The following CERKL variants were observed in gnomAD, a reference collection of about 807,000 sequenced individuals.
CERKL encodes ceramide kinase-like protein.
CERKL carries 61 observed loss-of-function variants against 63.4 expected under a neutral mutation model. That is an observed-to-expected ratio of 0.96 (90% CI 0.78 to 1.19). The LOEUF is 1.19. Ranked by LOEUF, CERKL falls within the 50% of genes most tolerant of loss-of-function variation. The pLI, the probability that CERKL is intolerant of heterozygous loss-of-function variation, is 0.00. For missense variants in CERKL, 675 were observed against 655.5 expected, an observed-to-expected ratio of 1.03 and a Z score of -0.33; for synonymous variants, 250 against 230.5, an observed-to-expected ratio of 1.08 and a Z score of -0.77.
At position 181,548,570 on chromosome 2, in the gene CERKL, T is replaced by C. The variant is rs747214130; in HGVS notation, c.1108A>G (p.Asn370Asp). 2.5e-6 allele frequency: 4 copies of C among 1,612,546 alleles called. No homozygotes were observed. The highest frequency in any genetic ancestry group is 2.5e-6 in the Non-Finnish European group (3 of 1,178,884). The change falls in exon 8 of 13, where the codon AAC (asparagine) becomes GAC (aspartate). Residue 370 changes from asparagine to aspartate, a missense_variant. Coordinates refer to ENST00000410087, the MANE Select transcript of CERKL (RefSeq NM_201548.5). ...CTTTCTTGCACATCATCAGAGCTGT[T>C]AAATGGTAAAAATGATATTTCACAG... is the stretch of plus-strand genomic sequence containing the variant. Reference protein sequence around the residue: ...EDCEISFLPFNSSDDVQERRA... With the variant: ...EDCEISFLPFDSSDDVQERRA...
intron 2 of CERKL, among the ~76,000 whole-genome samples, chr2:181,581,720 C>A (rs1227920246): frequency 6.6e-6 from 1 of 152,192 alleles, no homozygotes; most frequent in Non-Finnish European, 1.5e-5. Flanking sequence ...CAACCTGCCA[C>A]CAGGTGGCTG....
rs148816401 is a variant in CERKL at position 181,637,447 on chromosome 2, C to T, written c.238+19322G>A. ...AATGGATTTTGATGCTGATGTAAAG[C>T]GCTACAGAGTGAACTTCTGGGCATA... On this transcript the variant is annotated intron_variant, in intron 1 of 12. Transcript: ENST00000410087. Among the ~76,000 whole-genome samples the T allele has an allele frequency of 2.9e-3, 444 of 152,154 alleles. 1 individual carries two copies. The highest frequency in any genetic ancestry group is 0.017 in the East Asian group (88 of 5,184).
intron 2 of CERKL, among the ~76,000 whole-genome samples, chr2:181,576,586 C>A (rs145008308): frequency 6.6e-6 from 1 of 152,088 alleles, no homozygotes; most frequent in Admixed American, 6.6e-5. Context: ...AGGTGAAGCA[C>A]GGTGAATTTC....
At chr2:181,618,831 AAAGGGTTCC>A (rs1686327679) in intron 1 of CERKL, among the ~76,000 whole-genome samples, 1 of 152,210 alleles carries the variant, frequency 6.6e-6, no homozygotes, top group African/African-American at 2.4e-5. Context: ...TAAGAGTATA[AAAGGGTTCC>A]AAGACCAAAA....
At chr2:181,587,900 A>C (rs1684831920) in intron 2 of CERKL, among the ~76,000 whole-genome samples, 1 of 152,180 alleles carries the variant, frequency 6.6e-6, no homozygotes, top group South Asian at 2.1e-4. Context: ...AATAATTTTT[A>C]GCATTCCAAG....
intron 2 of CERKL, among the ~76,000 whole-genome samples, chr2:181,585,768 C>A (rs541689801): frequency 6.6e-6 from 1 of 152,158 alleles, no homozygotes; most frequent in Admixed American, 6.5e-5. Flanking sequence ...TAAACACCGA[C>A]CCTTTTGCTC....
At chr2:181,597,617 T>C (rs1484431840) in intron 2 of CERKL, among the ~76,000 whole-genome samples, 25 of 152,238 alleles carry the variant, frequency 1.6e-4, no homozygotes, top group Middle Eastern at 3.4e-3. Flanking sequence ...TTGGTGGTAA[T>C]TTAGGAATTT....
At chr2:181,606,213 CAGGA>C (rs1685672664) in intron 1 of CERKL, among the ~76,000 whole-genome samples, 2 of 112,332 alleles carry the variant, frequency 1.8e-5, no homozygotes, top group South Asian at 5.7e-4. Context: ...AAAAGAAAGA[CAGGA>C]AGGAAAGGAA....
chr2:181,585,402 A>C (rs1329995401), intron 2 of CERKL, among the ~76,000 whole-genome samples: 1 of 152,232 alleles, frequency 6.6e-6, no homozygotes, highest in Non-Finnish European at 1.5e-5. Context: ...ACAACACTGC[A>C]AAACAATCAT....
chr2:181,648,381 T>A (rs1283660703), intron 1 of CERKL, among the ~76,000 whole-genome samples: 3 of 152,012 alleles, frequency 2.0e-5, no homozygotes, highest in African/African-American at 4.8e-5. Flanking sequence ...GAGAAAGGGA[T>A]AATTTATTCA....
rs1360098158 is a variant in CERKL at position 181,547,854 on chromosome 2, G to A, written c.1134-7C>T. On this transcript the variant is annotated splice_polypyrimidine_tract_variant and splice_region_variant and intron_variant, in intron 8 of 12. Coordinates refer to ENST00000410087, the MANE Select transcript of CERKL (RefSeq NM_201548.5). ...GGGAGATCCCTGTGCCCTCCTAAAA[G>A]AAAGAAAACAAAACAAAGACATAAA... is the stretch of plus-strand genomic sequence containing the variant. 1.2e-6 allele frequency: 2 copies of A among 1,613,524 alleles called. No individual in the cohort carries two copies. The highest frequency in any genetic ancestry group is 2.7e-5 in the African/African-American group (2 of 74,828).
intron 1 of CERKL, among the ~76,000 whole-genome samples, chr2:181,632,457 A>G (rs1330866192): frequency 6.6e-6 from 1 of 152,214 alleles, no homozygotes; most frequent in East Asian, 1.9e-4. Context: ...AAACAAATTA[A>G]CTTTGCTATT....
chr2:181,576,234 A>G (rs908713920), intron 2 of CERKL, among the ~76,000 whole-genome samples: 14 of 152,196 alleles, frequency 9.2e-5, no homozygotes, highest in African/African-American at 3.4e-4. Context: ...ATTTTCAGTC[A>G]TCACAATAAT....
chr2:181,562,122 GC>G (rs1688475641), intron 4 of CERKL, among the ~76,000 whole-genome samples: 1 of 151,752 alleles, frequency 6.6e-6, no homozygotes, highest in African/African-American at 2.4e-5. Flanking sequence ...ACTGCACCCA[GC>G]CTACACCACC....
chr2:181,568,817 C>T (rs994070177), intron 3 of CERKL, among the ~76,000 whole-genome samples: 1 of 151,328 alleles, frequency 6.6e-6, no homozygotes, highest in Non-Finnish European at 1.5e-5. Flanking sequence ...GTATATCTCC[C>T]GATGCTATCC....
chr2:181,582,868 C>A (rs1684588574), intron 2 of CERKL, among the ~76,000 whole-genome samples: 1 of 152,024 alleles, frequency 6.6e-6, no homozygotes, highest in Admixed American at 6.6e-5. Context: ...TTCTAATAGA[C>A]ATCTCAAACT....
intron 3 of CERKL, among the ~76,000 whole-genome samples, chr2:181,569,468 G>C (rs1688807503): frequency 6.6e-6 from 1 of 152,092 alleles, no homozygotes; most frequent in Non-Finnish European, 1.5e-5. Flanking sequence ...TAAACAACCA[G>C]AGAAACACTA....
Position 181,604,079 on chromosome 2 carries a change from C to A in CERKL, c.239G>T (p.Gly80Val). Reference protein sequence around the residue: ...WRPIQPERPAGDSKYDLLCKE... With the variant: ...WRPIQPERPAVDSKYDLLCKE... The stretch of plus-strand genomic sequence containing the variant: ...ACATAGCAAGTCATACTTAGAATCA[C>A]CTGAAAAAAAAATAAATTTTCCAAT... The change falls in exon 2 of 13, where the codon GGT becomes GTT. Residue 80 changes from glycine (G) to valine (V), a missense_variant and splice_region_variant. Coordinates refer to ENST00000410087, the MANE Select transcript of CERKL (RefSeq NM_201548.5). 1 of 1,590,692 alleles carries A rather than the reference C, an allele frequency of 6.3e-7. No individual in the cohort carries two copies. Among genetic ancestry groups the A allele is most frequent in the South Asian group, 1.1e-5 (1 of 90,390 alleles).
intron 1 of CERKL, among the ~76,000 whole-genome samples, chr2:181,618,638 C>A (rs577749798): frequency 2.6e-5 from 4 of 152,220 alleles, no homozygotes; most frequent in African/African-American, 9.6e-5. Flanking sequence ...TCTCGAACTC[C>A]TGACCTCAAG....
Sources: gnomAD v4.1 joint callset for allele counts (sites outside exome capture counted in the v4.1 genomes callset) on GRCh38, gnomAD v4.1.1 for gene constraint, MANE v1.5 for transcripts, NCBI Gene and HGNC (gene_info 2026-07-23, HGNC 2026-07-21) for gene names.